Variants in CHN2 observed in about 807,000 individuals in gnomAD.
CHN2 encodes beta-chimaerin.
A neutral mutation model predicts 56.3 loss-of-function variants in CHN2; 35 were observed. The ratio of observed to expected loss-of-function variants is 0.62; its 90% CI spans 0.47 to 0.82. CHN2 has a LOEUF of 0.82. Among genes scored for constraint, CHN2 ranks in the 40% least tolerant of loss-of-function variants. The probability of loss-of-function intolerance (pLI) is 0.00; values close to 1 mark genes in which losing one functional copy is unlikely to be tolerated. For missense variants in CHN2, 491 were observed against 580.5 expected (o/e 0.85, Z 1.58); for synonymous variants, 210 against 212.8 (o/e 0.99, Z 0.12).
intron 1 of CHN2, among the ~76,000 whole-genome samples, chr7:29,234,123 G>A (rs898069394): frequency 7.3e-5 from 11 of 151,282 alleles, no homozygotes; most frequent in South Asian, 2.1e-4. Flanking sequence ...GTGAGCCACC[G>A]CGCCCGGCCA....
chr7:29,503,345 T>G (rs1308260806), intron 9 of CHN2, among the ~76,000 whole-genome samples: 5 of 152,214 alleles, frequency 3.3e-5, no homozygotes, highest in Non-Finnish European at 7.3e-5. Context: ...GAACTTTGAT[T>G]CATCCATCAA....
At chr7:29,340,603 T>C (rs1796971450) in intron 1 of CHN2, among the ~76,000 whole-genome samples, 1 of 152,292 alleles carries the variant, frequency 6.6e-6, no homozygotes, top group Non-Finnish European at 1.5e-5. Context: ...AAGGCAACTG[T>C]GTACCAACTG....
At chr7:29,355,326 A>G (rs1030887153) in intron 2 of CHN2, among the ~76,000 whole-genome samples, 7 of 152,100 alleles carry the variant, frequency 4.6e-5, no homozygotes, top group East Asian at 1.9e-4. Flanking sequence ...GTTGACTTCT[A>G]TGAATTATGT....
At chr7:29,213,591 C>T (rs1444736077) in intron 1 of CHN2, among the ~76,000 whole-genome samples, 1 of 152,110 alleles carries the variant, frequency 6.6e-6, no homozygotes, top group Non-Finnish European at 1.5e-5. Flanking sequence ...AGGCATATTC[C>T]TATTTTTTGG....
At chr7:29,476,923 T>C (rs1273421235) in intron 6 of CHN2, among the ~76,000 whole-genome samples, 5 of 152,176 alleles carry the variant, frequency 3.3e-5, no homozygotes, top group Non-Finnish European at 7.3e-5. Context: ...TGAATGTATA[T>C]ATTAAAATAG....
At position 29,495,996 on chromosome 7, in the gene CHN2, T is replaced by C. The variant is rs1562659709; in HGVS notation, c.699T>C (p.Asn233=). 1 of 1,612,706 alleles carries C rather than the reference T, an allele frequency of 6.2e-7. No individual in the cohort carries two copies. The highest frequency in any genetic ancestry group is 2.2e-5 in the East Asian group (1 of 44,828). The change falls in exon 8 of 13, where the codon AAT becomes AAC. Residue 233 remains asparagine (N), a synonymous_variant. Transcript: ENST00000222792. ...CACACTGGTGTGAATATTGTGCCAA[T>C]TTCATGTGGGGGCTCATCGCCCAAG... is the stretch of plus-strand genomic sequence containing the variant. ...RGPHWCEYCA[N]FMWGLIAQGV...
At chr7:29,496,114 G>A in intron 8 of CHN2, 78 bp downstream of exon 8, 1 of 1,227,320 alleles carries the variant, frequency 8.1e-7, no homozygotes, top group South Asian at 1.5e-5. Flanking sequence ...TCCAGAGCTG[G>A]GAAATGTGCT....
At chr7:29,380,702 G>A (rs1479511560) in intron 3 of CHN2, 1 of 152,186 alleles carries the variant, frequency 6.6e-6, no homozygotes, top group African/African-American at 2.4e-5. Context: ...AATTAAATGA[G>A]TATACTCACC....
At chr7:29,465,061 C>T (rs184041211) in intron 6 of CHN2, among the ~76,000 whole-genome samples, 412 of 152,196 alleles carry the variant, frequency 2.7e-3, no homozygotes, top group African/African-American at 9.5e-3. Flanking sequence ...CCCTTCTTGC[C>T]TTTTTTCCTT....
chr7:29,200,801 A>C (rs1784100103), intron 1 of CHN2: 1 of 152,140 alleles, frequency 6.6e-6, no homozygotes, highest in South Asian at 2.1e-4. Flanking sequence ...AGGAAACGGC[A>C]GTCAGAGATG....
chr7:29,472,989 C>G (rs894690018), intron 6 of CHN2, among the ~76,000 whole-genome samples: 1 of 152,074 alleles, frequency 6.6e-6, no homozygotes, highest in African/African-American at 2.4e-5. Context: ...GGCCCTAGGT[C>G]ATAATTTTAA....
intron 1 of CHN2, among the ~76,000 whole-genome samples, chr7:29,352,725 A>G (rs899375029): frequency 7.2e-5 from 11 of 152,152 alleles, no homozygotes; most frequent in African/African-American, 2.7e-4. Context: ...TCTGTCTCAA[A>G]AAACAAACAA....
chr7:29,180,833 G>A lies in CHN2; in HGVS notation c.274+33873G>A, dbSNP rs149465815. 5.9e-3 allele frequency among the ~76,000 whole-genome samples: 905 copies of A among 152,282 alleles called. 7 individuals carry two copies. The highest frequency in any genetic ancestry group is 0.02 in the African/African-American group (845 of 41,568). ...ATGTTGGACAAGACTCGTATCATCC[G>A]TATACCTCTTGGAGTTCTAATTTGT... On this transcript the variant is annotated intron_variant, in intron 2 of 6. Coordinates refer to the CHN2 transcript ENST00000439384.
At chr7:29,307,357 T>G (rs1401377604) in intron 1 of CHN2, among the ~76,000 whole-genome samples, 1 of 152,244 alleles carries the variant, frequency 6.6e-6, no homozygotes, top group Non-Finnish European at 1.5e-5. Flanking sequence ...GTCTATGAGT[T>G]ACAAGGTTGG....
At chr7:29,162,677 AAAAG>A (rs1434704761) in intron 2 of CHN2, among the ~76,000 whole-genome samples, 7 of 152,016 alleles carry the variant, frequency 4.6e-5, no homozygotes, top group Non-Finnish European at 4.4e-5. Flanking sequence ...AAAAAAAAAA[AAAAG>A]AACATTATGA....
chr7:29,383,305 T>C (rs1416956562), intron 3 of CHN2, among the ~76,000 whole-genome samples: 1 of 152,110 alleles, frequency 6.6e-6, no homozygotes. Flanking sequence ...GAGCTGATGG[T>C]GTTGATTCCA....
chr7:29,340,927 G>A (rs1454088320), intron 1 of CHN2, among the ~76,000 whole-genome samples: 1 of 152,176 alleles, frequency 6.6e-6, no homozygotes, highest in Non-Finnish European at 1.5e-5. Flanking sequence ...TTCAATCACA[G>A]GGTCTGGGTA....
intron 2 of CHN2, among the ~76,000 whole-genome samples, chr7:29,186,253 CA>C (rs70980510): frequency 5.5e-5 from 8 of 146,132 alleles, no homozygotes; most frequent in Non-Finnish European, 7.6e-5. Context: ...ATGTTTTAGG[CA>C]AAAAAAAAAT....
intron 6 of CHN2, among the ~76,000 whole-genome samples, chr7:29,417,101 C>T (rs951016703): frequency 6.6e-6 from 1 of 152,200 alleles, no homozygotes; most frequent in Non-Finnish European, 1.5e-5. Flanking sequence ...GCGTCCTCTC[C>T]TTCTGGCTCC....
Sources: allele counts gnomAD v4.1 joint callset (sites outside exome capture counted in the v4.1 genomes callset), GRCh38; gene constraint gnomAD v4.1.1; transcripts MANE v1.5; gene names NCBI Gene and HGNC (gene_info 2026-07-23, HGNC 2026-07-21).